Variants in ADGRD1 observed in about 807,000 individuals in gnomAD.
ADGRD1 encodes the protein G-protein coupled receptor 133.
A neutral mutation model predicts 113.4 loss-of-function variants in ADGRD1; 77 were observed. That is an observed-to-expected ratio of 0.68 (90% CI 0.57 to 0.82). The LOEUF is 0.82. ADGRD1 is among the 40% of genes least tolerant of loss of function. The pLI, the probability that ADGRD1 is intolerant of heterozygous loss-of-function variation, is 0.00. For missense variants in ADGRD1, 1,036 were observed against 1,139.1 expected (o/e 0.91, Z 1.30); for synonymous variants, 474 against 475.0 (o/e 1.00, Z 0.03).
chr12:131,107,069 G>A (rs1950248121), intron 17 of ADGRD1, among the ~76,000 whole-genome samples: 1 of 152,236 alleles, frequency 6.6e-6, no homozygotes, highest in Non-Finnish European at 1.5e-5. Context: ...GCAGCTCCAG[G>A]TGTCTATAAT....
rs1882181066 is a variant in ADGRD1 at position 131,041,996 on chromosome 12, C to T, written c.1473+27656C>T. On this transcript the variant is annotated intron_variant, in intron 13 of 24. Transcript: ENST00000261654. The surrounding 1 kb of genome is among the most constrained non-coding windows in gnomAD (Gnocchi z 4.4). ...CGCAGTCGGGTTTGTTATCCGAGTC[C>T]CCGAGGAGAAGGCACCATGTGTCCT... 1.3e-5 allele frequency among the ~76,000 whole-genome samples: 2 copies of T among 152,150 alleles called. No individual in the cohort carries two copies. The highest frequency in any genetic ancestry group is 1.3e-4 in the Admixed American group (2 of 15,286).
chr12:131,037,045 C>T (rs1370912452), intron 13 of ADGRD1, among the ~76,000 whole-genome samples: 2 of 144,270 alleles, frequency 1.4e-5, no homozygotes, highest in Non-Finnish European at 3.0e-5. Flanking sequence ...TGCATGGGGC[C>T]TCACTCACTG....
chr12:131,122,445 C>T (rs552967116), intron 20 of ADGRD1, among the ~76,000 whole-genome samples: 9 of 152,298 alleles, frequency 5.9e-5, no homozygotes, highest in African/African-American at 2.2e-4. Context: ...CACCTGCCAT[C>T]GCTTTACCGA....
At chr12:131,107,843 C>T (rs1950267621) in intron 17 of ADGRD1, among the ~76,000 whole-genome samples, 1 of 152,222 alleles carries the variant, frequency 6.6e-6, no homozygotes, top group Non-Finnish European at 1.5e-5. Flanking sequence ...TGAGAACTAA[C>T]TGCCTTGGGC....
At chr12:131,111,567 G>A (rs962433796) in intron 18 of ADGRD1, among the ~76,000 whole-genome samples, 3 of 151,726 alleles carry the variant, frequency 2.0e-5, no homozygotes, top group Non-Finnish European at 4.4e-5. Flanking sequence ...TCCACATTTA[G>A]AGTACACTTA....
intron 18 of ADGRD1, among the ~76,000 whole-genome samples, chr12:131,117,875 C>G (rs1950506377): frequency 6.6e-6 from 1 of 152,258 alleles, no homozygotes; most frequent in Admixed American, 6.5e-5. Flanking sequence ...TCAACCAACA[C>G]TATGGATACT....
chr12:131,087,293 G>T (rs938616094), intron 15 of ADGRD1, among the ~76,000 whole-genome samples: 63 of 152,194 alleles, frequency 4.1e-4, no homozygotes, highest in Non-Finnish European at 1.8e-4. Context: ...ATAGGAGGGG[G>T]CACCATTCAC....
In ADGRD1 at chr12:130,992,241, C is replaced by A. The variant is rs765840885; in HGVS notation, c.815C>A (p.Pro272His). Reference protein sequence around the residue: ...FMTSTASPVMPTDAYHPIITN... With the variant: ...FMTSTASPVMHTDAYHPIITN... ...CATGTTGCCAATTTCTTTCAGATGC[C>A]CACAGATGCCTACCATCCCATCATA... Residue 272 changes from proline to histidine, a missense_variant, in exon 8 of 25, where the codon CCC becomes CAC. Coordinates refer to ENST00000261654, the MANE Select transcript of ADGRD1 (RefSeq NM_198827.5). 1.2e-6 allele frequency: 2 copies of A among 1,608,244 alleles called. No homozygotes were observed. The highest frequency in any genetic ancestry group is 4.5e-5 in the East Asian group (2 of 44,864).
chr12:131,084,522 T>C lies in ADGRD1; in HGVS notation c.1548-18T>C. 1 of 1,613,824 alleles carries C rather than the reference T, an allele frequency of 6.2e-7. No individual in the cohort carries two copies. Among genetic ancestry groups the C allele is most frequent in the Non-Finnish European group, 8.5e-7 (1 of 1,179,954 alleles). ...GGTGCGGTGCTACCTCCTCTGATCC[T>C]TTCTCCTGTGTCCTCAGCTCCGGAG... On this transcript the variant is annotated intron_variant, in intron 14 of 24. Coordinates refer to ENST00000261654, the MANE Select transcript of ADGRD1 (RefSeq NM_198827.5). The surrounding 1 kb of genome is among the most constrained non-coding windows in gnomAD (Gnocchi z 4.5).
chr12:130,960,453 A>T (rs1009711915), intron 2 of ADGRD1, among the ~76,000 whole-genome samples: 4 of 152,204 alleles, frequency 2.6e-5, no homozygotes, highest in East Asian at 3.8e-4. Flanking sequence ...ATAGAATTTT[A>T]AAAAAACAAT....
At chr12:131,109,825 T>G (rs1950312191) in intron 18 of ADGRD1, among the ~76,000 whole-genome samples, 1 of 152,262 alleles carries the variant, frequency 6.6e-6, no homozygotes, top group Admixed American at 6.5e-5. Context: ...ACTGAAGTAT[T>G]GAAGTCACCA....
At chr12:130,972,118 A>G (rs922527416) in intron 4 of ADGRD1, among the ~76,000 whole-genome samples, 2 of 152,198 alleles carry the variant, frequency 1.3e-5, no homozygotes, top group African/African-American at 4.8e-5. Context: ...CAGAGATGCA[A>G]AAGAAAAACT....
At chr12:130,973,189 G>A (rs1292282678) in intron 4 of ADGRD1, 1 of 152,132 alleles carries the variant, frequency 6.6e-6, no homozygotes, top group South Asian at 2.1e-4. Context: ...CAGACTTCTC[G>A]ACTCTTCAAT....
intron 18 of ADGRD1, among the ~76,000 whole-genome samples, chr12:131,114,807 G>C (rs1388716424): frequency 6.6e-6 from 1 of 152,134 alleles, no homozygotes. Context: ...ACTCTGAAGG[G>C]AGGGACAGAT....
chr12:131,131,621 C>T (rs1950930219), intron 20 of ADGRD1, 104 bp from the exon 21 acceptor site: 6 of 744,212 alleles, frequency 8.1e-6, no homozygotes, highest in Middle Eastern at 2.8e-4. Flanking sequence ...GGAGCCCTGG[C>T]TGGGCAGGGG....
At chr12:131,101,377 C>CTTTTTTTTTTTTTTTTTTTTTT (rs71095334) in intron 15 of ADGRD1, among the ~76,000 whole-genome samples, 27 of 36,130 alleles carry the variant, frequency 7.5e-4, no homozygotes, top group East Asian at 2.7e-3. Flanking sequence ...TTCTTTCTTT[C>CTTTTTTTTTTTTTTTTTTTTTT]TTTTTTTTTT....
In ADGRD1 at chr12:131,075,737, G is replaced by C. The variant is rs774892278; in HGVS notation, c.1474-1064G>C. On this transcript the variant is annotated intron_variant, in intron 13 of 24. Coordinates refer to ENST00000261654, the MANE Select transcript of ADGRD1 (RefSeq NM_198827.5). The surrounding 1 kb of genome is among the most constrained non-coding windows in gnomAD (Gnocchi z 5.3). ...AGGAGGGGCTTTTGGTCGAGGCCAGGATGGCGCTCATGAGGGGGGCTGCCC... is the reference window on the plus strand; with the variant it reads ...AGGAGGGGCTTTTGGTCGAGGCCAGCATGGCGCTCATGAGGGGGGCTGCCC... 6.6e-5 allele frequency among the ~76,000 whole-genome samples: 10 copies of C among 152,208 alleles called. No individual in the cohort carries two copies. Among genetic ancestry groups the C allele is most frequent in the Non-Finnish European group, 1.5e-4 (10 of 68,034 alleles).
intron 5 of ADGRD1, 187 bp from the exon 6 acceptor site, chr12:130,986,908 A>G (rs148224764): frequency 3.4e-6 from 2 of 584,644 alleles, no homozygotes; most frequent in African/African-American, 3.7e-5. Flanking sequence ...CAAAAAGATA[A>G]CATCCTTCCT....
intron 15 of ADGRD1, among the ~76,000 whole-genome samples, chr12:131,087,951 G>A (rs1886607258): frequency 6.6e-6 from 1 of 152,214 alleles, no homozygotes; most frequent in Admixed American, 6.5e-5. Flanking sequence ...TCAGTTTGAG[G>A]AGCACCGTCC....
Sources: allele counts gnomAD v4.1 joint callset (sites outside exome capture counted in the v4.1 genomes callset), GRCh38; gene constraint gnomAD v4.1.1; non-coding constraint Gnocchi (gnomAD v3.1); transcripts MANE v1.5; gene names NCBI Gene and HGNC (gene_info 2026-07-23, HGNC 2026-07-21).